The following PPP2R2B variants were observed in gnomAD, a reference collection of about 807,000 sequenced individuals.
The protein encoded by PPP2R2B is protein phosphatase 2 regulatory subunit Bbeta.
PPP2R2B carries 5 observed loss-of-function variants against 46.0 expected under a neutral mutation model. The observed-to-expected ratio is 0.11, with a 90% CI of 0.06 to 0.23. The LOEUF is 0.23. Ranked by LOEUF, PPP2R2B falls within the 10% of genes least tolerant of loss-of-function variation. The pLI is 1.00. For synonymous variants in PPP2R2B, 215 were observed against 206.7 expected (o/e 1.04, Z -0.34); for missense variants, 367 against 575.0 (o/e 0.64, Z 3.70).
chr5:146,931,298 TAC>T (rs1187951266), intron 1 of PPP2R2B, among the ~76,000 whole-genome samples: 1 of 152,160 alleles, frequency 6.6e-6, no homozygotes, highest in Non-Finnish European at 1.5e-5. Context: ...ATTCTTCTGC[TAC>T]ACAATGGGAA....
chr5:146,767,302 GT>G (rs1403624616), intron 2 of PPP2R2B, among the ~76,000 whole-genome samples: 3 of 152,112 alleles, frequency 2.0e-5, no homozygotes, highest in Non-Finnish European at 4.4e-5. Context: ...CATTTAGTCT[GT>G]AAGCAAATTT....
chr5:146,722,332 C>G (rs1780855962), intron 2 of PPP2R2B, among the ~76,000 whole-genome samples: 1 of 152,136 alleles, frequency 6.6e-6, no homozygotes. Context: ...GTTGAAGTCA[C>G]AAAGAGAGTT....
chr5:146,803,448 C>T (rs950179548), intron 2 of PPP2R2B, among the ~76,000 whole-genome samples: 1 of 152,024 alleles, frequency 6.6e-6, no homozygotes, highest in Admixed American at 6.6e-5. Flanking sequence ...GAACTGAGAA[C>T]TGTTATGAGA....
intron 2 of PPP2R2B, among the ~76,000 whole-genome samples, chr5:146,807,776 C>CCTTTTTTTT (rs1757269168): frequency 5.4e-5 from 2 of 36,902 alleles, no homozygotes; most frequent in African/African-American, 1.6e-4. Flanking sequence ...GGGGTGCCTT[C>CCTTTTTTTT]TTTTTTTTTT....
intron 1 of PPP2R2B, among the ~76,000 whole-genome samples, chr5:146,972,864 T>C (rs1459461164): frequency 3.3e-5 from 5 of 152,216 alleles, no homozygotes; most frequent in South Asian, 2.1e-4. Context: ...ATCAATCTTA[T>C]TTTTGTCAGT....
exon 1 of PPP2R2B, chr5:147,055,708 G>A: frequency 6.2e-7 from 1 of 1,613,404 alleles, no homozygotes; most frequent in Non-Finnish European, 8.5e-7. Flanking sequence ...TCGGAGGTCT[G>A]AAGATGTAAG....
At chr5:146,855,434 T>G (rs73796004) in intron 2 of PPP2R2B, among the ~76,000 whole-genome samples, 197 of 152,332 alleles carry the variant, frequency 1.3e-3, no homozygotes, top group African/African-American at 4.5e-3. Context: ...TCTTTATCCA[T>G]AGTCTGATGG....
exon 1 of PPP2R2B, chr5:147,055,822 G>A (rs772991959): frequency 6.5e-6 from 10 of 1,535,260 alleles, no homozygotes; most frequent in Admixed American, 2.0e-5. Flanking sequence ...TTTTAAGCTG[G>A]CTACATCACC....
chr5:146,724,926 C>T (rs1751762144), intron 2 of PPP2R2B, among the ~76,000 whole-genome samples: 1 of 152,036 alleles, frequency 6.6e-6, no homozygotes, highest in African/African-American at 2.4e-5. Flanking sequence ...GAACACCGCT[C>T]AATAGGGTTT....
chr5:146,992,468 T>C (rs1446144922), intron 1 of PPP2R2B, among the ~76,000 whole-genome samples: 1 of 152,222 alleles, frequency 6.6e-6, no homozygotes, highest in Non-Finnish European at 1.5e-5. Flanking sequence ...GGGTTCCTTG[T>C]TACTGCTTCC....
At chr5:146,921,717 A>T (rs1246709678) in intron 1 of PPP2R2B, among the ~76,000 whole-genome samples, 1 of 152,082 alleles carries the variant, frequency 6.6e-6, no homozygotes, top group Non-Finnish European at 1.5e-5. Flanking sequence ...TCTCTGTATC[A>T]GTTCATCTCT....
intron 5 of PPP2R2B, among the ~76,000 whole-genome samples, chr5:146,678,678 A>C (rs1411888224): frequency 1.3e-5 from 2 of 149,134 alleles, no homozygotes; most frequent in African/African-American, 2.6e-5. Context: ...TTAAGCTGAT[A>C]AGCAACTTCA....
At chr5:146,607,060 G>A (rs1772359733) in intron 7 of PPP2R2B, 1 of 152,178 alleles carries the variant, frequency 6.6e-6, no homozygotes, top group Non-Finnish European at 1.5e-5. Context: ...TACAGAGTGA[G>A]GCAGATGGCA....
intron 7 of PPP2R2B, among the ~76,000 whole-genome samples, chr5:146,603,484 G>A (rs1771972469): frequency 6.6e-6 from 1 of 152,200 alleles, no homozygotes; most frequent in Admixed American, 6.5e-5. Context: ...AGATGGATGT[G>A]AAATGAAAGA....
chr5:146,999,875 A>G (rs1754086504), intron 1 of PPP2R2B, among the ~76,000 whole-genome samples: 1 of 152,230 alleles, frequency 6.6e-6, no homozygotes, highest in African/African-American at 2.4e-5. Context: ...ACTGCATGTA[A>G]AGGCCACAGG....
intron 1 of PPP2R2B, among the ~76,000 whole-genome samples, chr5:146,946,314 C>T (rs140653040): frequency 2.0e-5 from 3 of 152,262 alleles, no homozygotes; most frequent in East Asian, 3.9e-4. Flanking sequence ...CCTGTCCCCC[C>T]ACCACTGCTT....
intron 1 of PPP2R2B, among the ~76,000 whole-genome samples, chr5:147,031,079 T>A (rs1046788526): frequency 1.3e-5 from 2 of 151,814 alleles, no homozygotes; most frequent in African/African-American, 4.8e-5. Context: ...TACTAAAAAA[T>A]GCAAAAAATT....
At chr5:146,938,377 T>C (rs550847746) in intron 1 of PPP2R2B, among the ~76,000 whole-genome samples, 1 of 152,208 alleles carries the variant, frequency 6.6e-6, no homozygotes, top group South Asian at 2.1e-4. Context: ...TGAGAGAAAA[T>C]GAGAAGTCTT....
At chr5:147,046,801 A>T (rs1756566175) in intron 1 of PPP2R2B, among the ~76,000 whole-genome samples, 1 of 152,192 alleles carries the variant, frequency 6.6e-6, no homozygotes, top group Non-Finnish European at 1.5e-5. Context: ...TCCTCCTGTG[A>T]TAACACAGGG....
Sources: gnomAD v4.1 joint callset for allele counts (sites outside exome capture counted in the v4.1 genomes callset) on GRCh38, gnomAD v4.1.1 for gene constraint, MANE v1.5 for transcripts, NCBI Gene and HGNC (gene_info 2026-07-23, HGNC 2026-07-21) for gene names.